RBM4: variants seen among roughly 807,000 people sequenced by gnomAD.
The protein encoded by RBM4 is RNA binding motif protein 4.
A neutral mutation model predicts 29.5 loss-of-function variants in RBM4; 7 were observed. The observed-to-expected ratio is 0.24, with a 90% confidence interval of 0.14 to 0.45. The LOEUF is 0.45. Ranked by LOEUF, RBM4 falls within the 20% of genes least tolerant of loss-of-function variation. The probability of loss-of-function intolerance (pLI) is 1.00; values close to 1 mark genes in which losing one functional copy is unlikely to be tolerated. For missense variants in RBM4, 387 were observed against 502.3 expected (o/e 0.77, Z 2.19); for synonymous variants, 220 against 205.4 (o/e 1.07, Z -0.61).
At chr11:66,645,467 G>A (rs1033123069) in intron 3 of RBM4, among the ~76,000 whole-genome samples, 2 of 152,150 alleles carry the variant, frequency 1.3e-5, no homozygotes, top group Admixed American at 6.5e-5. Flanking sequence ...GAGACTTGAT[G>A]TGTAGCTTAT....
At chr11:66,663,365 T>A (rs1939121427) in intron 2 of RBM4, among the ~76,000 whole-genome samples, 1 of 152,172 alleles carries the variant, frequency 6.6e-6, no homozygotes, top group African/African-American at 2.4e-5. Context: ...ATAAGTGAAT[T>A]TAATTTTTTA....
chr11:66,649,983 C>T (rs1209116846), downstream of RBM4: 14 of 519,414 alleles, frequency 2.7e-5, no homozygotes, highest in Non-Finnish European at 4.4e-5. Flanking sequence ...CTTTGTATTT[C>T]GCTAGGTACT....
chr11:66,654,685 T>G lies in RBM4; in HGVS notation c.413-11171T>G, dbSNP rs925164538. The stretch of plus-strand genomic sequence containing the variant: ...CCCAGCTCAGTTTTGATTAATTTTG[T>G]TTTTTTTTTTTTTTTAGAGGCAAGG... On this transcript the variant is annotated intron_variant, in intron 2 of 2. Transcript: ENST00000396053. Among the ~76,000 whole-genome samples, 3 of 40,570 alleles carry G rather than the reference T, an allele frequency of 7.4e-5. 1 individual carries two copies. Among genetic ancestry groups the G allele is most frequent in the Admixed American group, 9.5e-4 (2 of 2,100 alleles). 26.6% of individuals were successfully genotyped at this position (40,570 alleles called of 152,430 possible). A position where few individuals can be genotyped will look rare whatever the true frequency, so the allele number is the denominator to read the frequency against.
intron 2 of RBM4, among the ~76,000 whole-genome samples, chr11:66,659,263 C>CTTTTTTTTTTTTTTT (rs767959263): frequency 8.9e-5 from 6 of 67,308 alleles, no homozygotes; most frequent in Admixed American, 4.2e-4. Flanking sequence ...CTTCTTGGTT[C>CTTTTTTTTTTTTTTT]TTTTTTTTTT....
downstream of RBM4, among the ~76,000 whole-genome samples, chr11:66,649,246 C>T (rs1938773744): frequency 2.0e-5 from 3 of 152,272 alleles, no homozygotes; most frequent in Admixed American, 1.3e-4. Flanking sequence ...TCAAGTGATC[C>T]GCCTGCCTCC....
At chr11:66,648,187 T>G (rs143360701), downstream of RBM4, among the ~76,000 whole-genome samples, 1 of 151,346 alleles carries the variant, frequency 6.6e-6, no homozygotes, top group African/African-American at 2.4e-5. Flanking sequence ...GCCTGGGCAA[T>G]GAGCAAAACT....
At chr11:66,645,640 A>ATT (rs71045955) in intron 3 of RBM4, among the ~76,000 whole-genome samples, 6 of 148,422 alleles carry the variant, frequency 4.0e-5, no homozygotes, top group Admixed American at 1.3e-4. Flanking sequence ...AATACTGTTA[A>ATT]TTTTTTTTTT....
intron 2 of RBM4, among the ~76,000 whole-genome samples, chr11:66,655,976 T>TC (rs1938941906): frequency 6.6e-6 from 1 of 152,026 alleles, no homozygotes; most frequent in Admixed American, 6.6e-5. Flanking sequence ...CCTGAAGTAT[T>TC]CTTTTTTTTT....
chr11:66,656,716 A>G (rs1441663948), intron 2 of RBM4, among the ~76,000 whole-genome samples: 1 of 152,154 alleles, frequency 6.6e-6, no homozygotes, highest in African/African-American at 2.4e-5. Flanking sequence ...GCTGGAGTGC[A>G]GTGACATGAT....
At chr11:66,665,864 A>G in exon 3 of RBM4, 2 of 1,531,302 alleles carry the variant, frequency 1.3e-6, no homozygotes, top group African/African-American at 2.7e-5. Flanking sequence ...AGGCAAGATA[A>G]CCCCTGTGAC....
exon 3 of RBM4, chr11:66,667,812 T>G (rs1291382460): frequency 6.6e-6 from 1 of 151,956 alleles, no homozygotes; most frequent in Non-Finnish European, 1.5e-5. Context: ...GCTCAAGCAA[T>G]CCTTCCAACC....
At chr11:66,645,637 T>C (rs1297001338) in intron 3 of RBM4, among the ~76,000 whole-genome samples, 1 of 150,792 alleles carries the variant, frequency 6.6e-6, no homozygotes, top group African/African-American at 2.4e-5. Flanking sequence ...GAAAATACTG[T>C]TAATTTTTTT....
chr11:66,649,721 CT>C (rs1565084467), downstream of RBM4: 1 of 701,446 alleles, frequency 1.4e-6, no homozygotes, highest in Non-Finnish European at 2.6e-6. Flanking sequence ...CTTTTTCTTG[CT>C]TTTTGTTTTT....
intron 2 of RBM4, among the ~76,000 whole-genome samples, chr11:66,654,280 A>G (rs1938897119): frequency 6.6e-6 from 1 of 151,784 alleles, no homozygotes; most frequent in Admixed American, 6.6e-5. Context: ...TCATGAGGTC[A>G]GGAAATCGAG....
chr11:66,666,390 G>C, exon 3 of RBM4: 1 of 993,288 alleles, frequency 1.0e-6, no homozygotes, highest in African/African-American at 1.7e-5. Context: ...CCCGAATTTG[G>C]ATCCCCAACA....
Position 66,644,018 on chromosome 11 carries a change from C to A in RBM4, c.981C>A (p.Tyr327Ter). The part of the protein sequence containing the change: ...PVPTVGEGYG[Y>*]GHESELSQAS... ...CCACTGTTGGAGAGGGCTACGGTTA[C>A]GGGCATGAGAGTGAGTTGTCCCAAG... The change falls in exon 3 of 4, where the codon TAC becomes TAA. Residue 327 changes from tyrosine (Y) to a stop codon, truncating the protein, a stop_gained. Transcript: ENST00000310092. LOFTEE classifies it high-confidence loss of function. The A allele has an allele frequency of 6.2e-7, 1 of 1,613,688 alleles. No individual in the cohort carries two copies. Among genetic ancestry groups the A allele is most frequent in the Non-Finnish European group, 8.5e-7 (1 of 1,180,002 alleles).
intron 3 of RBM4, chr11:66,644,704 A>AC: frequency 1.0e-6 from 1 of 981,138 alleles, no homozygotes. Context: ...ACATTCCTGA[A>AC]CCGTTCAACC....
At chr11:66,660,646 A>C (rs1939060392) in intron 2 of RBM4, among the ~76,000 whole-genome samples, 1 of 142,024 alleles carries the variant, frequency 7.0e-6, no homozygotes, top group African/African-American at 2.6e-5. Flanking sequence ...CACCCGACCT[A>C]AACTTTTTTT....
At chr11:66,661,315 A>G (rs1039200695) in intron 2 of RBM4, among the ~76,000 whole-genome samples, 5 of 152,208 alleles carry the variant, frequency 3.3e-5, no homozygotes, top group African/African-American at 1.2e-4. Flanking sequence ...CTCCTAGGCC[A>G]GGTGACTTCC....
Sources: gnomAD v4.1 joint callset for allele counts (sites outside exome capture counted in the v4.1 genomes callset) on GRCh38, gnomAD v4.1.1 for gene constraint, MANE v1.5 for transcripts, NCBI Gene and HGNC (gene_info 2026-07-23, HGNC 2026-07-21) for gene names.